The following ILDR2 variants were observed in gnomAD, a reference collection of about 807,000 sequenced individuals.
ILDR2 encodes immunoglobulin-like domain-containing receptor 2.
A neutral mutation model predicts 66.8 loss-of-function variants in ILDR2; 25 were observed. That is an observed-to-expected ratio of 0.37 (90% CI 0.27 to 0.52). The LOEUF (loss-of-function observed/expected upper bound fraction) is 0.52, where lower values mean the gene tolerates loss of function less well. Among genes scored for constraint, ILDR2 ranks in the 20% least tolerant of loss-of-function variants. The pLI, the probability that ILDR2 is intolerant of heterozygous loss-of-function variation, is 0.88. For synonymous variants in ILDR2, 367 were observed against 357.2 expected, an observed-to-expected ratio of 1.03 and a Z score of -0.31; for missense variants, 827 against 876.8, an observed-to-expected ratio of 0.94 and a Z score of 0.72.
intron 1 of ILDR2, among the ~76,000 whole-genome samples, chr1:166,970,695 C>G (rs1019139221): frequency 6.6e-6 from 1 of 152,108 alleles, no homozygotes; most frequent in Non-Finnish European, 1.5e-5. Context: ...CATACTGATA[C>G]TCAATTCTAT....
intron 1 of ILDR2, among the ~76,000 whole-genome samples, chr1:166,974,822 C>T (rs1193151727): frequency 6.6e-6 from 1 of 152,236 alleles, no homozygotes; most frequent in Non-Finnish European, 1.5e-5. Flanking sequence ...AATTAATCAG[C>T]TCCCTCTGAG....
At chr1:166,939,374 G>T (rs1283196898) in intron 4 of ILDR2, 140 bp downstream of exon 4, 3 of 690,472 alleles carry the variant, frequency 4.3e-6, no homozygotes, top group Non-Finnish European at 7.8e-6. Context: ...CTTCCAATGG[G>T]TTTAGTTAAT....
chr1:166,937,120 G>A (rs1462569456), intron 4 of ILDR2, among the ~76,000 whole-genome samples: 2 of 152,118 alleles, frequency 1.3e-5, no homozygotes, highest in Non-Finnish European at 2.9e-5. Flanking sequence ...TTGTCTGCTG[G>A]GCTACGAAGT....
chr1:166,920,719 G>A lies in ILDR2; in HGVS notation c.1872C>T (p.Pro624=), dbSNP rs368176810. 2.9e-4 allele frequency: 408 copies of A among 1,422,502 alleles called. No homozygotes were observed. In the African/African-American group the frequency reaches 5.6e-3, roughly 20 times the overall value. The allele number at this position is 1,422,502 out of a possible 1,614,324, so 88.1% of individuals were successfully genotyped here. ...SNSEKKRKKE[P]AKKTNDFPTR... ...GACGCAGTCTCACGGTTTTCTTGGCGGGCTCCTTTTTCCTCTTCTTCTCCG... is the reference window on the plus strand; with the variant it reads ...GACGCAGTCTCACGGTTTTCTTGGCAGGCTCCTTTTTCCTCTTCTTCTCCG... The change falls in exon 9 of 10, where the codon CCC becomes CCT. Residue 624 remains proline, a synonymous_variant. Coordinates refer to ENST00000271417, the MANE Select transcript of ILDR2 (RefSeq NM_199351.3).
At chr1:166,953,733 A>G (rs1662118924) in intron 3 of ILDR2, among the ~76,000 whole-genome samples, 2 of 152,152 alleles carry the variant, frequency 1.3e-5, no homozygotes, top group Admixed American at 6.5e-5. Context: ...CTGGGAGATC[A>G]TTTTCTTATT....
chr1:166,946,523 G>A (rs1189027910), intron 3 of ILDR2, among the ~76,000 whole-genome samples: 1 of 151,980 alleles, frequency 6.6e-6, no homozygotes, highest in Non-Finnish European at 1.5e-5. Context: ...TTATAAGCTT[G>A]GCCTAAGGAG....
chr1:166,970,131 T>C (rs1175536365), intron 1 of ILDR2, among the ~76,000 whole-genome samples: 2 of 152,218 alleles, frequency 1.3e-5, no homozygotes, highest in Admixed American at 6.5e-5. Flanking sequence ...TAGGACCAGA[T>C]TGGCTGGAGT....
At chr1:166,906,560 G>C (rs952569352), downstream of ILDR2, among the ~76,000 whole-genome samples, 3 of 152,240 alleles carry the variant, frequency 2.0e-5, no homozygotes, top group African/African-American at 7.2e-5. Context: ...AAAAGAAGTA[G>C]AGGTAGAGAC....
downstream of ILDR2, chr1:166,907,915 T>C (rs1326152835): frequency 1.3e-5 from 2 of 152,170 alleles, no homozygotes; most frequent in African/African-American, 4.8e-5. Context: ...AAGAAAGGAC[T>C]CTGCCCAAGT....
intron 3 of ILDR2, among the ~76,000 whole-genome samples, chr1:166,945,506 C>T (rs540141915): frequency 4.1e-4 from 62 of 152,278 alleles, no homozygotes; most frequent in African/African-American, 1.4e-3. Flanking sequence ...TTGAAGTTAT[C>T]CTAGGGTATT....
chr1:166,960,653 G>A (rs879828434), intron 1 of ILDR2, among the ~76,000 whole-genome samples: 1 of 152,166 alleles, frequency 6.6e-6, no homozygotes, highest in Non-Finnish European at 1.5e-5. Flanking sequence ...CCTGAATCTT[G>A]ATAACCATAC....
intron 7 of ILDR2, among the ~76,000 whole-genome samples, chr1:166,925,166 G>A (rs780661601): frequency 3.9e-5 from 6 of 152,144 alleles, no homozygotes; most frequent in Non-Finnish European, 8.8e-5. Context: ...GCAAATTCAT[G>A]AGCCTGGACC....
In ILDR2 at chr1:166,915,410, A is replaced by G. The variant is rs984213609; in HGVS notation, c.*3945T>C. The G allele has an allele frequency of 6.6e-6, 1 of 152,232 alleles. No homozygotes were observed. The allele number at this position is 152,232 out of a possible 1,614,324, so 9.4% of individuals were successfully genotyped here. ...ATGATTTCCAAATGCATCTGATCAC[A>G]GGAGTCTCCTGGAATGCATATTAAA... is the stretch of plus-strand genomic sequence containing the variant. On this transcript the variant is annotated 3_prime_UTR_variant, in exon 10 of 10. Coordinates refer to ENST00000271417, the MANE Select transcript of ILDR2 (RefSeq NM_199351.3).
At chr1:166,899,710 TA>T (rs2101811877) in intron 2 of ILDR2, among the ~76,000 whole-genome samples, 1 of 152,384 alleles carries the variant, frequency 6.6e-6, no homozygotes, top group South Asian at 2.1e-4. Context: ...GATCTGCTTT[TA>T]AAATCATTTC....
rs1659495763 is a variant in ILDR2 at position 166,912,675 on chromosome 1, C to A, written c.*6680G>T. On this transcript the variant is annotated 3_prime_UTR_variant, in exon 10 of 10. Transcript: ENST00000271417. ...GACAAGGCCACTAAAATCTGGAATT[C>A]CCTTGAGAGGGCTTAGCCATCCAAA... The A allele has an allele frequency of 6.6e-6, 1 of 152,162 alleles. No homozygotes were observed. Among genetic ancestry groups the A allele is most frequent in the East Asian group, 1.9e-4 (1 of 5,196 alleles). The allele number at this position is 152,162 out of a possible 1,614,324, so 9.4% of individuals were successfully genotyped here. A position where few individuals can be genotyped will look rare whatever the true frequency, so the allele number is the denominator to read the frequency against.
rs1201724579 is a variant in ILDR2, at chr1:166,921,089, C to T, written c.1502G>A (p.Arg501His). 3 of 1,491,252 alleles carry T rather than the reference C, an allele frequency of 2.0e-6. No individual in the cohort carries two copies. The highest frequency in any genetic ancestry group is 2.2e-4 in the Middle Eastern group (1 of 4,644). 92.4% of individuals were successfully genotyped at this position (1,491,252 alleles called of 1,614,324 possible). A position where few individuals can be genotyped will look rare whatever the true frequency, so the allele number is the denominator to read the frequency against. Reference protein sequence around the residue: ...ADRGWAFSPARRRPAEDAHLP... With the variant: ...ADRGWAFSPAHRRPAEDAHLP... The stretch of plus-strand genomic sequence containing the variant: ...GTGCGCGTCCTCGGCGGGTCTGCGG[C>T]GCGCGGGGCTGAAGGCCCAGCCGCG... Residue 501 changes from arginine to histidine, a missense_variant, in exon 9 of 10, where the codon CGC becomes CAC. This residue lies in a region of ILDR2 where 390 missense variants were observed against 353.6 expected (regional missense o/e 1.10). Transcript: ENST00000271417. This position sits in a 1 kb window ranked among gnomAD's most constrained non-coding sequence, Gnocchi z 5.3.
intron 3 of ILDR2, among the ~76,000 whole-genome samples, chr1:166,945,057 C>T (rs145707925): frequency 1.4e-4 from 21 of 152,206 alleles, no homozygotes; most frequent in Admixed American, 7.2e-4. Context: ...TGATTTGCTG[C>T]GCATTATAGT....
intron 3 of ILDR2, among the ~76,000 whole-genome samples, chr1:166,956,530 G>C (rs1662292569): frequency 6.6e-6 from 1 of 151,632 alleles, no homozygotes; most frequent in Non-Finnish European, 1.5e-5. Flanking sequence ...GTGGGGGCGG[G>C]GGGGTCATAG....
chr1:166,972,844 C>T (rs1363312417), intron 1 of ILDR2, among the ~76,000 whole-genome samples: 1 of 152,174 alleles, frequency 6.6e-6, no homozygotes, highest in Admixed American at 6.5e-5. Context: ...GTCTCCCTTC[C>T]TTTCTACCAC....
Sources: gnomAD v4.1 joint callset for allele counts (sites outside exome capture counted in the v4.1 genomes callset) on GRCh38, gnomAD v4.1.1 for gene constraint, gnomAD v4.1.1 regional missense constraint, Gnocchi (gnomAD v3.1) non-coding constraint, MANE v1.5 for transcripts, NCBI Gene and HGNC (gene_info 2026-07-23, HGNC 2026-07-21) for gene names.